TPST1: variants seen among roughly 807,000 people sequenced by gnomAD.
The protein encoded by TPST1 is protein-tyrosine sulfotransferase 1.
A neutral mutation model predicts 34.8 loss-of-function variants in TPST1; 20 were observed. The ratio of observed to expected loss-of-function variants is 0.57; its 90% CI spans 0.40 to 0.84. The LOEUF (loss-of-function observed/expected upper bound fraction) is 0.84, where lower values mean the gene tolerates loss of function less well. Ranked by LOEUF, TPST1 falls within the 40% of genes least tolerant of loss-of-function variation. The probability of loss-of-function intolerance (pLI) is 0.00; values close to 1 mark genes in which losing one functional copy is unlikely to be tolerated. For missense variants in TPST1, 353 were observed against 455.5 expected (o/e 0.78, Z 2.05); for synonymous variants, 152 against 159.4 (o/e 0.95, Z 0.35).
intron 1 of TPST1, among the ~76,000 whole-genome samples, chr7:66,229,963 C>T (rs1162142251): frequency 4.6e-5 from 7 of 152,190 alleles, no homozygotes; most frequent in Non-Finnish European, 7.4e-5. Flanking sequence ...CCGAGGCGGG[C>T]GGATCATGAG....
At chr7:66,264,185 TA>T (rs1041907606) in intron 2 of TPST1, among the ~76,000 whole-genome samples, 93 of 152,268 alleles carry the variant, frequency 6.1e-4, no homozygotes, top group African/African-American at 2.2e-3. Context: ...AAGAAACATT[TA>T]CAGACAAATA....
chr7:66,263,054 C>G (rs1054834082), intron 2 of TPST1, among the ~76,000 whole-genome samples: 1 of 151,792 alleles, frequency 6.6e-6, no homozygotes, highest in South Asian at 2.1e-4. Flanking sequence ...GAGCCCAGAT[C>G]GTGCCACTGC....
intron 1 of TPST1, among the ~76,000 whole-genome samples, chr7:66,214,673 A>G (rs1343334322): frequency 2.7e-5 from 4 of 150,470 alleles, no homozygotes; most frequent in African/African-American, 9.7e-5. Context: ...GAAAATTAGC[A>G]TGGCATGGCG....
chr7:66,278,792 C>T (rs932348124), intron 2 of TPST1, among the ~76,000 whole-genome samples: 6 of 149,120 alleles, frequency 4.0e-5, no homozygotes, highest in African/African-American at 1.5e-4. Context: ...AACGAGATTC[C>T]GTCTCAAAAA....
intron 2 of TPST1, among the ~76,000 whole-genome samples, chr7:66,250,758 T>TATACC: frequency 6.6e-6 from 1 of 152,316 alleles, no homozygotes; most frequent in South Asian, 2.1e-4. Context: ...GTAGAACAAT[T>TATACC]ATAACAATAT....
At chr7:66,236,189 G>A (rs964505688) in intron 1 of TPST1, among the ~76,000 whole-genome samples, 2 of 152,108 alleles carry the variant, frequency 1.3e-5, no homozygotes, top group African/African-American at 4.8e-5. Flanking sequence ...GGGGCCCCAA[G>A]ATTTATTTTC....
At chr7:66,239,232 C>T (rs1440525226) in intron 1 of TPST1, among the ~76,000 whole-genome samples, 4 of 152,158 alleles carry the variant, frequency 2.6e-5, no homozygotes, top group Admixed American at 6.5e-5. Context: ...CCTCCCATCT[C>T]GGTCTCCCAA....
intron 1 of TPST1, among the ~76,000 whole-genome samples, chr7:66,219,255 A>G (rs1475484746): frequency 2.0e-5 from 3 of 152,190 alleles, no homozygotes; most frequent in East Asian, 3.9e-4. Flanking sequence ...GAACATCACA[A>G]AATTCCAGCT....
chr7:66,277,018 A>C (rs545798208), intron 2 of TPST1, among the ~76,000 whole-genome samples: 1 of 152,290 alleles, frequency 6.6e-6, no homozygotes, highest in Admixed American at 6.5e-5. Context: ...AAAGCGTTAA[A>C]TAATATGGTG....
At chr7:66,357,253 C>T (rs568011260) in intron 5 of TPST1, among the ~76,000 whole-genome samples, 3 of 152,280 alleles carry the variant, frequency 2.0e-5, no homozygotes, top group South Asian at 4.1e-4. Context: ...GGGAGCAGGT[C>T]GTTTGTCAGG....
chr7:66,344,186 A>G (rs1792295636), intron 3 of TPST1: 1 of 152,212 alleles, frequency 6.6e-6, no homozygotes, highest in Non-Finnish European at 1.5e-5. Context: ...ACTTGAGACC[A>G]AGAGTTGAGG....
chr7:66,329,288 T>G (rs1791948574), intron 3 of TPST1, among the ~76,000 whole-genome samples: 1 of 152,148 alleles, frequency 6.6e-6, no homozygotes, highest in African/African-American at 2.4e-5. Flanking sequence ...GTTGAAACTA[T>G]CTTCCTGATT....
intron 2 of TPST1, among the ~76,000 whole-genome samples, chr7:66,264,973 C>T (rs1226509347): frequency 6.6e-6 from 1 of 151,914 alleles, no homozygotes; most frequent in East Asian, 1.9e-4. Context: ...TTGAGAATAT[C>T]AACAAAAAGA....
intron 2 of TPST1, among the ~76,000 whole-genome samples, chr7:66,246,154 A>G (rs1035441923): frequency 1.4e-5 from 2 of 145,672 alleles, no homozygotes; most frequent in Admixed American, 7.0e-5. Context: ...CTGGGATTAC[A>G]GGTGCATGCC....
At position 66,249,008 on chromosome 7, in the gene TPST1, C is replaced by A. The variant is rs73365406; in HGVS notation, c.845+7738C>A. Among the ~76,000 whole-genome samples, 386 of 152,146 alleles carry A rather than the reference C, an allele frequency of 2.5e-3. 1 individual carries two copies. Among genetic ancestry groups the A allele is most frequent in the African/African-American group, 9.0e-3 (373 of 41,516 alleles). On this transcript the variant is annotated intron_variant, in intron 2 of 5. Transcript: ENST00000304842. ...CTGCTGTCTGGTTCATAGATGGCACCTTGTGTCCTCACATGGTAAAGGAGG... is the reference window on the plus strand; with the variant it reads ...CTGCTGTCTGGTTCATAGATGGCACATTGTGTCCTCACATGGTAAAGGAGG...
In TPST1 at chr7:66,332,830, G is replaced by A. The variant is rs760639018; in HGVS notation, c.1045-19675G>A. On this transcript the variant is annotated intron_variant, in intron 3 of 5. Transcript: ENST00000304842. This position sits in a 1 kb window ranked among gnomAD's most constrained non-coding sequence, Gnocchi z 4.5. ...ATACAGGAGGATATGTGTATGTTAC[G>A]TGCAAATACTACACCATTTTATATA... Among the ~76,000 whole-genome samples the A allele has an allele frequency of 2.0e-5, 3 of 152,094 alleles. No homozygotes were observed. The highest frequency in any genetic ancestry group is 1.9e-4 in the East Asian group (1 of 5,176).
chr7:66,272,629 C>T (rs908570637), intron 2 of TPST1, among the ~76,000 whole-genome samples: 2 of 150,668 alleles, frequency 1.3e-5, no homozygotes, highest in African/African-American at 4.9e-5. Context: ...CACTCTGTTG[C>T]CCAGGTTGGA....
chr7:66,228,853 G>C (rs1789718696), intron 1 of TPST1, among the ~76,000 whole-genome samples: 1 of 152,062 alleles, frequency 6.6e-6, no homozygotes, highest in Non-Finnish European at 1.5e-5. Flanking sequence ...CCTGCCATCT[G>C]TCTTCCTCCT....
chr7:66,270,076 T>A (rs765940272), intron 2 of TPST1, among the ~76,000 whole-genome samples: 3 of 152,118 alleles, frequency 2.0e-5, no homozygotes, highest in Non-Finnish European at 4.4e-5. Flanking sequence ...GAAGGTGATA[T>A]CTGAGCAAAG....
Sources: gnomAD v4.1 joint callset for allele counts (sites outside exome capture counted in the v4.1 genomes callset) on GRCh38, gnomAD v4.1.1 for gene constraint, Gnocchi (gnomAD v3.1) non-coding constraint, MANE v1.5 for transcripts, NCBI Gene and HGNC (gene_info 2026-07-23, HGNC 2026-07-21) for gene names.